RNASE4: variants seen among roughly 807,000 people sequenced by gnomAD.
The protein encoded by RNASE4 is ribonuclease A family member 4, also known as ribonuclease 4.
For missense variants in RNASE4, 194 were observed against 192.8 expected (o/e 1.01, Z -0.04); for synonymous variants, 93 against 71.4 (o/e 1.30, Z -1.52).
intron 1 of RNASE4, among the ~76,000 whole-genome samples, chr14:20,694,805 A>G (rs536672596): frequency 6.6e-6 from 1 of 152,296 alleles, no homozygotes; most frequent in African/African-American, 2.4e-5. Context: ...GAGACCTTGG[A>G]GAGAAGTTTC....
intron 1 of RNASE4, among the ~76,000 whole-genome samples, chr14:20,688,499 T>C (rs1274675878): frequency 6.6e-6 from 1 of 152,126 alleles, no homozygotes; most frequent in African/African-American, 2.4e-5. Flanking sequence ...TATGTGTGAA[T>C]AGGGAAACCT....
At chr14:20,692,928 AG>A (rs1886850339) in intron 1 of RNASE4, among the ~76,000 whole-genome samples, 1 of 152,040 alleles carries the variant, frequency 6.6e-6, no homozygotes, top group Admixed American at 6.5e-5. Context: ...GCTCACTGCA[AG>A]CTCCGCCTCC....
intron 1 of RNASE4, among the ~76,000 whole-genome samples, chr14:20,690,300 A>G (rs1886676273): frequency 6.6e-6 from 1 of 152,012 alleles, no homozygotes; most frequent in African/African-American, 2.4e-5. Context: ...TTCCACTGAC[A>G]AAAAGCTGAC....
chr14:20,693,083 G>A (rs535481312), intron 1 of RNASE4, among the ~76,000 whole-genome samples: 6 of 151,920 alleles, frequency 3.9e-5, no homozygotes, highest in African/African-American at 1.2e-4. Context: ...TCCTGACCTC[G>A]TGATCCGCCC....
chr14:20,697,593 G>C (rs962905157), intron 1 of RNASE4, among the ~76,000 whole-genome samples: 27 of 152,310 alleles, frequency 1.8e-4, no homozygotes, highest in Middle Eastern at 3.4e-3. Flanking sequence ...TGAAAAGGTA[G>C]CCTTTCAGCA....
intron 1 of RNASE4, chr14:20,693,347 A>T (rs1377725436): frequency 1.5e-6 from 1 of 662,204 alleles, no homozygotes. Flanking sequence ...GGTTGTGCTC[A>T]GGAAACTATT....
chr14:20,695,730 C>G (rs1419966981), intron 1 of RNASE4, among the ~76,000 whole-genome samples: 3 of 152,212 alleles, frequency 2.0e-5, no homozygotes, highest in Non-Finnish European at 4.4e-5. Flanking sequence ...AGCCGTGGCT[C>G]CCCAATACTC....
intron 1 of RNASE4, among the ~76,000 whole-genome samples, chr14:20,686,853 C>G (rs1289598879): frequency 6.6e-6 from 1 of 152,184 alleles, no homozygotes; most frequent in Non-Finnish European, 1.5e-5. Flanking sequence ...TTCCCATCAT[C>G]TAATTTTATA....
At chr14:20,697,499 C>T (rs1476883423) in intron 1 of RNASE4, among the ~76,000 whole-genome samples, 1 of 152,108 alleles carries the variant, frequency 6.6e-6, no homozygotes, top group African/African-American at 2.4e-5. Context: ...TCTTTATGTG[C>T]AAAGGCAAAA....
chr14:20,692,997 G>A (rs566241114), intron 1 of RNASE4, among the ~76,000 whole-genome samples: 31 of 151,860 alleles, frequency 2.0e-4, no homozygotes, highest in Middle Eastern at 6.8e-3. Context: ...ACAGGCGCCC[G>A]CCACTACGCC....
rs145565348 is a variant in RNASE4, at chr14:20,694,150, T to C, written c.-17-5205T>C. The C allele has an allele frequency of 1.1e-4, 97 of 867,484 alleles. No homozygotes were observed. In the East Asian group the frequency reaches 2.4e-3, roughly 21 times the overall value. 53.7% of individuals were successfully genotyped at this position (867,484 alleles called of 1,614,324 possible). A position where few individuals can be genotyped will look rare whatever the true frequency, so the allele number is the denominator to read the frequency against. ...ACCTTTTGTTTTCTGTTTGACAACA[T>C]GTTTAATAAATAAAAATGTCTTGAT... On this transcript the variant is annotated intron_variant, in intron 1 of 1. Coordinates refer to ENST00000555835, the MANE Select transcript of RNASE4 (RefSeq NM_002937.5).
intron 1 of RNASE4, among the ~76,000 whole-genome samples, chr14:20,690,419 A>G (rs1413766710): frequency 6.6e-6 from 1 of 152,056 alleles, no homozygotes; most frequent in African/African-American, 2.4e-5. Flanking sequence ...ACCACAAACG[A>G]TCTGTCTCTT....
At chr14:20,694,009 C>T (rs1380206697) in intron 1 of RNASE4, 5 of 1,614,014 alleles carry the variant, frequency 3.1e-6, no homozygotes, top group Non-Finnish European at 4.2e-6. Flanking sequence ...TCGTCCGTAA[C>T]CAGCGGGCCC....
intron 1 of RNASE4, among the ~76,000 whole-genome samples, chr14:20,693,066 C>G (rs1324769471): frequency 1.3e-4 from 19 of 151,952 alleles, no homozygotes; most frequent in Admixed American, 5.2e-4. Context: ...CCAGGATGGT[C>G]TCGATCTCCT....
chr14:20,685,559 AC>A (rs1886383960), intron 1 of RNASE4, among the ~76,000 whole-genome samples: 1 of 152,234 alleles, frequency 6.6e-6, no homozygotes, highest in Non-Finnish European at 1.5e-5. Flanking sequence ...AGAGCCACTA[AC>A]AAGTTTTGCA....
chr14:20,689,915 C>CA (rs58958050), intron 1 of RNASE4, among the ~76,000 whole-genome samples: 24,518 of 121,306 alleles, frequency 0.2, 2,780 homozygotes, highest in African/African-American at 0.34. Context: ...GACTCTGTCT[C>CA]AAAAAAAAAA....
chr14:20,686,824 G>T (rs1235178530), intron 1 of RNASE4, among the ~76,000 whole-genome samples: 1 of 152,150 alleles, frequency 6.6e-6, no homozygotes, highest in East Asian at 1.9e-4. Context: ...AAGAAATATA[G>T]AAATTATTTA....
intron 1 of RNASE4, chr14:20,693,824 A>G: frequency 6.2e-7 from 1 of 1,614,196 alleles, no homozygotes; most frequent in Non-Finnish European, 8.5e-7. Flanking sequence ...AAGAATGGAA[A>G]CCCTCACAGA....
rs3748338 is a variant in RNASE4, at chr14:20,699,417, A to T, written c.46A>T (p.Thr16Ser). The change falls in exon 2 of 2, where the codon ACC (threonine) becomes TCC (serine). Residue 16 changes from threonine (T) to serine (S), a missense_variant. Transcript: ENST00000555835. ...TTCATTGCTTCTGCTTTTGCTGCTG[A>T]CCCTGCTGGGGCTGGGGCTGGTCCA... ...THSLLLLLLLTLLGLGLVQPS... is the reference protein window; with the variant it reads ...THSLLLLLLLSLLGLGLVQPS... 0.15 allele frequency: 235,245 copies of T among 1,608,562 alleles called. 18,511 individuals carry two copies. Among genetic ancestry groups the T allele is most frequent in the East Asian group, 0.22 (9,908 of 44,692 alleles).
Sources: allele counts gnomAD v4.1 joint callset (sites outside exome capture counted in the v4.1 genomes callset), GRCh38; gene constraint gnomAD v4.1.1; transcripts MANE v1.5; gene names NCBI Gene and HGNC (gene_info 2026-07-23, HGNC 2026-07-21).